Variants in CFAP410 observed in about 807,000 individuals in gnomAD.
CFAP410 encodes cilia- and flagella-associated protein 410.
CFAP410 carries 27 observed loss-of-function variants against 25.7 expected under a neutral mutation model. The ratio of observed to expected loss-of-function variants is 1.05; its 90% CI spans 0.77 to 1.45. The LOEUF is 1.45. Ranked by LOEUF, CFAP410 falls within the 40% of genes most tolerant of loss-of-function variation. The pLI is 0.00. For missense variants in CFAP410, 428 were observed against 354.1 expected (o/e 1.21, Z -1.67); for synonymous variants, 178 against 158.4 (o/e 1.12, Z -0.93).
chr21:44,335,687 C>T (rs997989180), intron 3 of CFAP410, 71 bp downstream of exon 3: 34 of 1,189,370 alleles, frequency 2.9e-5, no homozygotes, highest in African/African-American at 1.5e-4. Context: ...TGCTGGGTCC[C>T]ACTGGAGGGA....
At chr21:44,334,527 C>CA in intron 3 of CFAP410, 1 of 17,860 alleles carries the variant, frequency 5.6e-5, no homozygotes. Flanking sequence ...ACCCCCCCCC[C>CA]CCCCCCGCTC....
intron 5 of CFAP410, chr21:44,331,611 C>A: frequency 1.9e-6 from 1 of 539,960 alleles, no homozygotes; most frequent in African/African-American, 2.0e-5. Context: ...CACCCCCTCT[C>A]CTGCTCCCTG....
In CFAP410 at chr21:44,330,867, G is replaced by T; in HGVS notation, c.598C>A (p.Pro200Thr). 6.2e-7 allele frequency: 1 copy of T among 1,605,476 alleles called. No homozygotes were observed. Among genetic ancestry groups the T allele is most frequent in the Non-Finnish European group, 8.5e-7 (1 of 1,175,090 alleles). ...GLKPPSRGQFPSLSARDASSS... is the reference protein window; with the variant it reads ...GLKPPSRGQFTSLSARDASSS... ...GAGGCATCCCTGGCTGAGAGGGAAG[G>T]AAACTGGCCCCGGGAAGGCGGCTTC... The change falls in exon 6 of 7, where the codon CCT becomes ACT. Residue 200 changes from proline to threonine, a missense_variant. Physicochemically the swap from Pro to Thr is conservative, Grantham distance 38 (BLOSUM62 -1). Coordinates refer to ENST00000339818, the MANE Select transcript of CFAP410 (RefSeq NM_004928.3).
In CFAP410 at chr21:44,330,114, C is replaced by T; in HGVS notation, c.*84G>A. On this transcript the variant is annotated 3_prime_UTR_variant, in exon 7 of 7. Transcript: ENST00000339818. ...TTTTGTGTGGGGCCGGGGCTGCGGC[C>T]ATGGCAGCCACCCTCCAGCTCCCGG... The T allele has an allele frequency of 6.9e-7, 1 of 1,443,264 alleles. No individual in the cohort carries two copies. Among genetic ancestry groups the T allele is most frequent in the Non-Finnish European group, 9.3e-7 (1 of 1,073,812 alleles). The allele number at this position is 1,443,264 out of a possible 1,614,324, so 89.4% of individuals were successfully genotyped here. A position where few individuals can be genotyped will look rare whatever the true frequency, so the allele number is the denominator to read the frequency against.
chr21:44,334,613 G>A (rs1358820452), intron 3 of CFAP410: 1 of 296,420 alleles, frequency 3.4e-6, no homozygotes, highest in Non-Finnish European at 6.6e-6. Context: ...TCCCTGTGGG[G>A]TGGGCACTTG....
Position 44,338,994 on chromosome 21 carries a change from C to A in CFAP410, c.77+124G>T, listed in dbSNP as rs530522045. ...TCCTCCCTCCGGCTCCGCCCTCGTC[C>A]CGCCCCGGCTCCTCCCTCCGGCTCC... On this transcript the variant is annotated intron_variant, in intron 1 of 6. Transcript: ENST00000339818. 594 of 346,782 alleles carry A rather than the reference C, an allele frequency of 1.7e-3. 25 individuals carry two copies. Among genetic ancestry groups the A allele is most frequent in the African/African-American group, 0.013 (474 of 36,032 alleles). The allele number at this position is 346,782 out of a possible 1,614,324, so 21.5% of individuals were successfully genotyped here.
At chr21:44,338,814 CCCGGCTCCTCCCT>C (rs1452009528) in intron 1 of CFAP410, 1 of 128,186 alleles carries the variant, frequency 7.8e-6, no homozygotes, top group Non-Finnish European at 1.7e-5. Context: ...CTCGTCCCGC[CCCGGCTCCTCCCT>C]CCGGCTCCGC....
In CFAP410 at chr21:44,333,069, G is replaced by C; in HGVS notation, c.337C>G (p.Arg113Gly). The C allele has an allele frequency of 1.2e-6, 2 of 1,605,218 alleles. No individual in the cohort carries two copies. The highest frequency in any genetic ancestry group is 2.2e-5 in the East Asian group (1 of 44,540). Residue 113 changes from arginine to glycine, a missense_variant, in exon 4 of 7, where the codon CGC becomes GGC. By Grantham distance (125) the Arg-to-Gly change is moderately radical (BLOSUM62 -2). Coordinates refer to ENST00000339818, the MANE Select transcript of CFAP410 (RefSeq NM_004928.3). ...AGCTTCTGTAGGCGCGGCAGGGTGC[G>C]CAGCACGGTCATGCGGTAGCGGTGG... ...SPHRYRMTVL[R>G]TLPRLQKLDN... is the part of the protein sequence containing the mutation.
In CFAP410 at chr21:44,332,873, C is replaced by T. The variant is rs1471833887; in HGVS notation, c.373+160G>A. ...CGGGTGGCGGGATCAAGAGGAGACA[C>T]AGAAGCCAGGGGAACAGCCTCTGGA... On this transcript the variant is annotated intron_variant, in intron 4 of 6. Coordinates refer to ENST00000339818, the MANE Select transcript of CFAP410 (RefSeq NM_004928.3). 71 of 620,032 alleles carry T rather than the reference C, an allele frequency of 1.1e-4. No homozygotes were observed. The Admixed American group carries it at 1.7e-3, about 15-fold the overall frequency. 38.4% of individuals were successfully genotyped at this position (620,032 alleles called of 1,614,324 possible). A position where few individuals can be genotyped will look rare whatever the true frequency, so the allele number is the denominator to read the frequency against.
intron 2 of CFAP410, among the ~76,000 whole-genome samples, chr21:44,336,661 T>G (rs1379503746): frequency 6.6e-6 from 1 of 152,206 alleles, no homozygotes; most frequent in Non-Finnish European, 1.5e-5. Flanking sequence ...GTTTGTATAT[T>G]CACTGCTAAA....
At position 44,339,146 on chromosome 21, in the gene CFAP410, G is replaced by T; in HGVS notation, c.49C>A (p.Leu17Met). Residue 17 changes from leucine to methionine, a missense_variant, in exon 1 of 7, where the codon CTG becomes ATG. Leu to Met is a conservative substitution (Grantham distance 15). Transcript: ENST00000339818. ...CAGTTGAGCTTGCGCACGCTGTGCA[G>T]CTCCGAGGCCTTGGCCCGGGTCAGA... is the stretch of plus-strand genomic sequence containing the variant. Reference protein sequence around the residue: ...MVLTRAKASELHSVRKLNCWG... With the variant: ...MVLTRAKASEMHSVRKLNCWG... 1 of 1,472,946 alleles carries T rather than the reference G, an allele frequency of 6.8e-7. No individual in the cohort carries two copies. Among genetic ancestry groups the T allele is most frequent in the Non-Finnish European group, 9.0e-7 (1 of 1,108,608 alleles). The allele number at this position is 1,472,946 out of a possible 1,614,324, so 91.2% of individuals were successfully genotyped here.
intron 3 of CFAP410, chr21:44,334,063 A>C (rs1238883675): frequency 4.4e-6 from 2 of 454,464 alleles, no homozygotes; most frequent in African/African-American, 4.0e-5. Flanking sequence ...CATTTTACCA[A>C]GAGCAAAACT....
chr21:44,333,360 T>A, intron 3 of CFAP410, 98 bp from the exon 4 acceptor site: 1 of 919,960 alleles, frequency 1.1e-6, no homozygotes, highest in Non-Finnish European at 1.7e-6. Context: ...ATGGGACCTG[T>A]GTCCCTGCCC....
chr21:44,331,866 C>T lies in CFAP410; in HGVS notation c.522G>A (p.Pro174=), dbSNP rs372721170. 1.9e-5 allele frequency: 31 copies of T among 1,611,488 alleles called. No individual in the cohort carries two copies. In the East Asian group the frequency reaches 2.7e-4, roughly 14 times the overall value. ...ACGTTGCCTCCTCCTCGCTGTCCAGCGGGTCCCGGCCAGTCTCAGCAGCGG... is the reference window on the plus strand; with the variant it reads ...ACGTTGCCTCCTCCTCGCTGTCCAGTGGGTCCCGGCCAGTCTCAGCAGCGG... ...LSSAAETGRD[P]LDSEEEATSG... Residue 174 remains proline, a synonymous_variant, in exon 5 of 7, where the codon CCG becomes CCA. Transcript: ENST00000339818.
At chr21:44,335,538 C>T in intron 3 of CFAP410, 1 of 593,626 alleles carries the variant, frequency 1.7e-6, no homozygotes, top group Non-Finnish European at 3.0e-6. Flanking sequence ...CAGGAGCCAT[C>T]AGGAGGCCCA....
In CFAP410 at chr21:44,335,975, G is replaced by A. The variant is rs76736548; in HGVS notation, c.97-171C>T. 1,262 of 568,322 alleles carry A rather than the reference G, an allele frequency of 2.2e-3. 2 individuals are homozygous for A. The highest frequency in any genetic ancestry group is 0.021 in the African/African-American group (1,043 of 50,700). The allele number at this position is 568,322 out of a possible 1,614,324, so 35.2% of individuals were successfully genotyped here. ...GGTGAATGCCCAGGGCCTGAGGGGA[G>A]CGGCCCTGCTCAGCCAGTGTGCCCA... On this transcript the variant is annotated intron_variant, in intron 2 of 6. Transcript: ENST00000339818.
chr21:44,333,522 C>T (rs954656419), intron 3 of CFAP410: 11 of 570,384 alleles, frequency 1.9e-5, no homozygotes, highest in African/African-American at 1.3e-4. Flanking sequence ...TCCACATCAG[C>T]TCCTCAGGGC....
In CFAP410 at chr21:44,330,196, G is replaced by A. The variant is rs1356176176; in HGVS notation, c.*2C>T. On this transcript the variant is annotated 3_prime_UTR_variant, in exon 7 of 7. Coordinates refer to ENST00000339818, the MANE Select transcript of CFAP410 (RefSeq NM_004928.3). ...GGCTGGAGCGGCGTTCAGGTCCTGCGGTCACTCGGCGTGCTCCTGCACCTC... is the reference window on the plus strand; with the variant it reads ...GGCTGGAGCGGCGTTCAGGTCCTGCAGTCACTCGGCGTGCTCCTGCACCTC... 1.2e-5 allele frequency: 18 copies of A among 1,561,300 alleles called. No individual in the cohort carries two copies. The highest frequency in any genetic ancestry group is 8.2e-5 in the South Asian group (7 of 85,766).
rs1164992727 is a variant in CFAP410 at position 44,337,602 on chromosome 21, T to A, written c.96+47A>T. 2.5e-6 allele frequency: 4 copies of A among 1,578,984 alleles called. No homozygotes were observed. In the South Asian group the frequency reaches 4.6e-5, roughly 18 times the overall value. On this transcript the variant is annotated intron_variant, in intron 2 of 6. Transcript: ENST00000339818. The stretch of plus-strand genomic sequence containing the variant: ...AGCTACAACATTTGGGTTGAGGCTA[T>A]TTGGAGATGATCAGTGCAATACTTA...
Sources: gnomAD v4.1 joint callset for allele counts (sites outside exome capture counted in the v4.1 genomes callset) on GRCh38, gnomAD v4.1.1 for gene constraint, MANE v1.5 for transcripts, NCBI Gene and HGNC (gene_info 2026-07-23, HGNC 2026-07-21) for gene names.